EPHB1: variants seen among roughly 807,000 people sequenced by gnomAD.
EPHB1 encodes the protein ephrin type-B receptor 1.
A neutral mutation model predicts 94.4 loss-of-function variants in EPHB1; 30 were observed. The observed-to-expected ratio is 0.32, with a 90% CI of 0.24 to 0.43. The LOEUF is 0.43. EPHB1 is among the 20% of genes least tolerant of loss of function. The pLI, the probability that EPHB1 is intolerant of heterozygous loss-of-function variation, is 1.00. For missense variants in EPHB1, 1,055 were observed against 1,308.3 expected, an observed-to-expected ratio of 0.81 and a Z score of 2.99; for synonymous variants, 522 against 489.1, an observed-to-expected ratio of 1.07 and a Z score of -0.89.
intron 3 of EPHB1, among the ~76,000 whole-genome samples, chr3:134,990,387 T>C (rs1398655331): frequency 1.3e-5 from 2 of 152,186 alleles, no homozygotes; most frequent in Admixed American, 1.3e-4. Context: ...TCTGAATATC[T>C]TTTTTGTTTG....
chr3:135,178,227 G>C (rs983680145), intron 9 of EPHB1, among the ~76,000 whole-genome samples: 1 of 148,910 alleles, frequency 6.7e-6, no homozygotes. Flanking sequence ...GCCGGGGAGG[G>C]GGGGTGGATC....
chr3:134,828,249 G>A (rs111938681), intron 1 of EPHB1, among the ~76,000 whole-genome samples: 2,397 of 152,312 alleles, frequency 0.016, 37 homozygotes, highest in Middle Eastern at 0.024. Flanking sequence ...CTGCAGCAAA[G>A]GATGTAGGTA....
In EPHB1 at chr3:135,192,861, G is replaced by A. The variant is rs767460096; in HGVS notation, c.2130+38G>A. The A allele has an allele frequency of 2.5e-6, 4 of 1,601,306 alleles. No homozygotes were observed. The East Asian group carries it at 9.0e-5, about 36-fold the overall frequency. Reference sequence around the variant, plus strand: ...CAGGGGTTTGATGATGCACTTGGATGCAGGTGAATGATGGCTGGGGAGAGG... The same window carrying A: ...CAGGGGTTTGATGATGCACTTGGATACAGGTGAATGATGGCTGGGGAGAGG... On this transcript the variant is annotated intron_variant, in intron 11 of 15. Coordinates refer to ENST00000398015, the MANE Select transcript of EPHB1 (RefSeq NM_004441.5).
chr3:134,931,507 G>A (rs975499943), intron 2 of EPHB1, among the ~76,000 whole-genome samples: 1 of 152,154 alleles, frequency 6.6e-6, no homozygotes, highest in African/African-American at 2.4e-5. Context: ...AAAGTGCTGC[G>A]AGGGCTTCCA....
At chr3:134,867,585 A>G (rs1242915712) in intron 1 of EPHB1, among the ~76,000 whole-genome samples, 2 of 152,232 alleles carry the variant, frequency 1.3e-5, no homozygotes, top group Non-Finnish European at 2.9e-5. Flanking sequence ...AGGCTTCAGC[A>G]GTAGAATGGC....
At chr3:135,257,532 G>A (rs971661421) in intron 15 of EPHB1, among the ~76,000 whole-genome samples, 1 of 152,122 alleles carries the variant, frequency 6.6e-6, no homozygotes, top group Non-Finnish European at 1.5e-5. Flanking sequence ...GTTGCTGGGG[G>A]GGTCAGGGGT....
In EPHB1 at chr3:135,053,023, G is replaced by GTATATATATATA. The variant is rs1419499793; in HGVS notation, c.806-53424_806-53423insATATATATATAT. Among the ~76,000 whole-genome samples, 572 of 68,466 alleles carry GTATATATATATA rather than the reference G, an allele frequency of 8.4e-3. 35 individuals carry two copies. Among genetic ancestry groups the GTATATATATATA allele is most frequent in the African/African-American group, 0.025 (449 of 17,670 alleles). The allele number at this position is 68,466 out of a possible 152,430, so 44.9% of individuals were successfully genotyped here. On this transcript the variant is annotated intron_variant, in intron 3 of 15. Transcript: ENST00000398015. Reference sequence around the variant, plus strand: ...TGTGTGTGTATATATATGTGTGTGTGTGTGTATATATATATATATATATAT... The same window carrying GTATATATATATA: ...TGTGTGTGTATATATATGTGTGTGTGTATATATATATATGTGTATATATATATATATATATAT...
chr3:134,946,924 G>C (rs2039227503), intron 2 of EPHB1, among the ~76,000 whole-genome samples: 1 of 152,208 alleles, frequency 6.6e-6, no homozygotes, highest in Admixed American at 6.5e-5. Flanking sequence ...CCAGCCTCAG[G>C]TATTCCTTTA....
chr3:134,830,742 C>G (rs2036566956), intron 1 of EPHB1, among the ~76,000 whole-genome samples: 1 of 152,328 alleles, frequency 6.6e-6, no homozygotes, highest in East Asian at 1.9e-4. Flanking sequence ...CCCTTCTGGC[C>G]TGACCTCTGC....
rs181088533 is a variant in EPHB1, at chr3:135,114,650, G to A, written c.961+8047G>A. On this transcript the variant is annotated intron_variant, in intron 4 of 15. Transcript: ENST00000398015. ...AGGCAGAAGAATTGCTTGAACCTGG[G>A]AGGCAGAGGTTGCAGTGAGCCAAGA... 3.5e-3 allele frequency among the ~76,000 whole-genome samples: 524 copies of A among 150,890 alleles called. 2 individuals are homozygous for A. Among genetic ancestry groups the A allele is most frequent in the African/African-American group, 0.012 (485 of 41,166 alleles).
intron 10 of EPHB1, among the ~76,000 whole-genome samples, chr3:135,186,313 G>A (rs978150562): frequency 6.6e-6 from 1 of 152,180 alleles, no homozygotes; most frequent in Non-Finnish European, 1.5e-5. Context: ...TCTGATGAAA[G>A]GGTGAAGATG....
intron 3 of EPHB1, among the ~76,000 whole-genome samples, chr3:135,062,322 TTCCCTGATCACCACA>T (rs1937524550): frequency 6.6e-6 from 1 of 152,224 alleles, no homozygotes; most frequent in African/African-American, 2.4e-5. Context: ...TGTAGAAGTG[TTCCCTGATCACCACA>T]TCCACGCCAA....
chr3:135,239,945 C>A (rs934864384), intron 12 of EPHB1, among the ~76,000 whole-genome samples: 1 of 152,128 alleles, frequency 6.6e-6, no homozygotes, highest in Admixed American at 6.5e-5. Flanking sequence ...AACTGAGGCA[C>A]AGAGAGGTAG....
intron 3 of EPHB1, among the ~76,000 whole-genome samples, chr3:134,971,956 T>G (rs1933986290): frequency 6.6e-6 from 1 of 152,134 alleles, no homozygotes; most frequent in African/African-American, 2.4e-5. Context: ...GAGAGGAACT[T>G]AACTTGTAAT....
At chr3:134,882,788 T>TTCTTTCTTTCTTTCTTTCTTTCTTTCTC (rs1560280617) in intron 1 of EPHB1, among the ~76,000 whole-genome samples, 4 of 69,098 alleles carry the variant, frequency 5.8e-5, no homozygotes, top group East Asian at 5.5e-4. Flanking sequence ...CTTTCTTTCT[T>TTCTTTCTTTCTTTCTTTCTTTCTTTCTC]TCTTTCTTTC....
intron 12 of EPHB1, among the ~76,000 whole-genome samples, chr3:135,234,715 T>C (rs1943608384): frequency 6.6e-6 from 1 of 152,178 alleles, no homozygotes; most frequent in African/African-American, 2.4e-5. Flanking sequence ...CTTGTCCTTC[T>C]TCACGTGGTG....
chr3:134,897,747 C>T (rs966463876), intron 1 of EPHB1, among the ~76,000 whole-genome samples: 9 of 152,308 alleles, frequency 5.9e-5, no homozygotes, highest in South Asian at 4.1e-4. Flanking sequence ...GGCTTGAAAA[C>T]CCTAGGATTG....
intron 3 of EPHB1, among the ~76,000 whole-genome samples, chr3:135,064,162 G>C (rs1461822322): frequency 2.0e-5 from 3 of 151,098 alleles, no homozygotes; most frequent in Non-Finnish European, 4.4e-5. Context: ...TTTCTTATTT[G>C]GTTATGTCCT....
At chr3:135,021,332 T>C (rs1246452289) in intron 3 of EPHB1, among the ~76,000 whole-genome samples, 12 of 151,980 alleles carry the variant, frequency 7.9e-5, no homozygotes, top group African/African-American at 2.7e-4. Context: ...GTAACATATG[T>C]TTCATATTGT....
Sources: gnomAD v4.1 joint callset for allele counts (sites outside exome capture counted in the v4.1 genomes callset) on GRCh38, gnomAD v4.1.1 for gene constraint, MANE v1.5 for transcripts, NCBI Gene and HGNC (gene_info 2026-07-23, HGNC 2026-07-21) for gene names.